KCNQ1OT1: variants seen among roughly 807,000 people sequenced by gnomAD.
KCNQ1OT1 encodes the protein KCNQ1 opposite strand/antisense transcript 1, also known as KCNQ1 antisense RNA 2 (non-protein coding).
chr11:2,685,915 A>T (rs1590031667), exon 1 of KCNQ1OT1: 1 of 398,756 alleles, frequency 2.5e-6, no homozygotes, highest in East Asian at 3.6e-5. Flanking sequence ...GATGAGCCTG[A>T]CCAAGTTCTG....
chr11:2,641,115 G>C, exon 1 of KCNQ1OT1: 1 of 398,468 alleles, frequency 2.5e-6, no homozygotes, highest in Non-Finnish European at 4.4e-6. Flanking sequence ...TGTGAATAGT[G>C]CTGCAATAAA....
exon 1 of KCNQ1OT1, chr11:2,646,951 T>C (rs1400600557): frequency 2.5e-6 from 1 of 398,508 alleles, no homozygotes; most frequent in African/African-American, 2.1e-5. Flanking sequence ...AATATGACAT[T>C]CTCTTTTCCA....
chr11:2,657,763 T>G lies in KCNQ1OT1; in HGVS notation n.42232A>C, dbSNP rs1276466884. 7.5e-6 allele frequency: 3 copies of G among 398,652 alleles called. No individual in the cohort carries two copies. The highest frequency in any genetic ancestry group is 1.3e-5 in the Non-Finnish European group (3 of 226,068). 24.7% of individuals were successfully genotyped at this position (398,652 alleles called of 1,614,324 possible). A position where few individuals can be genotyped will look rare whatever the true frequency, so the allele number is the denominator to read the frequency against. On this transcript the variant is annotated non_coding_transcript_exon_variant, in exon 1 of 1. Transcript: ENST00000597346. The surrounding 1 kb of genome is among the most constrained non-coding windows in gnomAD (Gnocchi z 4.8). ...GTGACGGGCTTCTCAGTCTTGTTCTTCATTAACTTGACACTTTTGAAGAAT... is the reference window on the plus strand; with the variant it reads ...GTGACGGGCTTCTCAGTCTTGTTCTGCATTAACTTGACACTTTTGAAGAAT...
chr11:2,672,428 C>A, exon 1 of KCNQ1OT1: 1 of 398,574 alleles, frequency 2.5e-6, no homozygotes, highest in Non-Finnish European at 4.4e-6. Context: ...GAACAGTCCA[C>A]CCCAGGGGCT....
chr11:2,628,308 G>T, exon 1 of KCNQ1OT1: 1 of 398,490 alleles, frequency 2.5e-6, no homozygotes, highest in South Asian at 1.3e-4. Flanking sequence ...GCTATCTTTT[G>T]ACTTTTTGAT....
rs531471524 is a variant in KCNQ1OT1 at position 2,663,613 on chromosome 11, G to C, written n.36382C>G. ...CGCTCACCTTGGTTCTCTTGGTCAC[G>C]GACCAGCATCCAGACATGCAAAAAG... is the stretch of plus-strand genomic sequence containing the variant. On this transcript the variant is annotated non_coding_transcript_exon_variant, in exon 1 of 1. Transcript: ENST00000597346. This position sits in a 1 kb window ranked among gnomAD's most constrained non-coding sequence, Gnocchi z 5.2. 5.0e-6 allele frequency: 2 copies of C among 398,626 alleles called. No individual in the cohort carries two copies. The highest frequency in any genetic ancestry group is 8.8e-6 in the Non-Finnish European group (2 of 226,106). 24.7% of individuals were successfully genotyped at this position (398,626 alleles called of 1,614,324 possible).
exon 1 of KCNQ1OT1, chr11:2,688,787 G>A: frequency 2.5e-6 from 1 of 398,734 alleles, no homozygotes; most frequent in Non-Finnish European, 4.4e-6. Flanking sequence ...CTATATACTT[G>A]CCCTCCCCCA....
chr11:2,610,687 A>G, exon 1 of KCNQ1OT1: 1 of 381,738 alleles, frequency 2.6e-6, no homozygotes, highest in Non-Finnish European at 4.5e-6. Flanking sequence ...TTTGAAAGAA[A>G]CTTTTCTGGA....
At position 2,647,574 on chromosome 11, in the gene KCNQ1OT1, C is replaced by A. The variant is rs1343514939; in HGVS notation, n.52421G>T. 2 of 398,468 alleles carry A rather than the reference C, an allele frequency of 5.0e-6. No individual in the cohort carries two copies. The highest frequency in any genetic ancestry group is 8.8e-6 in the Non-Finnish European group (2 of 226,026). The allele number at this position is 398,468 out of a possible 1,614,324, so 24.7% of individuals were successfully genotyped here. A position where few individuals can be genotyped will look rare whatever the true frequency, so the allele number is the denominator to read the frequency against. ...CTTTTGGAATTGTCTGAGAAGAATT[C>A]ATGTTAGTTCTTTAAAGGTTTGGTA... On this transcript the variant is annotated non_coding_transcript_exon_variant, in exon 1 of 1. Transcript: ENST00000597346. The surrounding 1 kb of genome is among the most constrained non-coding windows in gnomAD (Gnocchi z 4.0).
At chr11:2,696,289 G>C (rs975514087) in exon 1 of KCNQ1OT1, 1 of 398,432 alleles carries the variant, frequency 2.5e-6, no homozygotes, top group African/African-American at 2.1e-5. Flanking sequence ...CTTTTCCTAG[G>C]GGCTCAGTTA....
In KCNQ1OT1 at chr11:2,668,609, C is replaced by T. The variant is rs1253115220; in HGVS notation, n.31386G>A. 1 of 398,622 alleles carries T rather than the reference C, an allele frequency of 2.5e-6. No individual in the cohort carries two copies. The highest frequency in any genetic ancestry group is 4.4e-6 in the Non-Finnish European group (1 of 226,060). The allele number at this position is 398,622 out of a possible 1,614,324, so 24.7% of individuals were successfully genotyped here. On this transcript the variant is annotated non_coding_transcript_exon_variant, in exon 1 of 1. Coordinates refer to ENST00000597346, the Ensembl canonical transcript of KCNQ1OT1. This position sits in a 1 kb window ranked among gnomAD's most constrained non-coding sequence, Gnocchi z 4.3. ...TACATCATTCTGTATAAATTGCCTA[C>T]ATCTTCTGCCTGTTTTATGTTTATT...
At chr11:2,634,825 A>G (rs527924716) in exon 1 of KCNQ1OT1, 4 of 152,304 alleles carry the variant, frequency 2.6e-5, no homozygotes, top group African/African-American at 9.6e-5. Flanking sequence ...ATTTCTCCAC[A>G]TCTTCTCCAG....
In KCNQ1OT1 at chr11:2,617,733, G is replaced by A; in HGVS notation, n.82262C>T. 2.5e-6 allele frequency: 1 copy of A among 398,544 alleles called. No homozygotes were observed. Among genetic ancestry groups the A allele is most frequent in the Admixed American group, 4.4e-5 (1 of 22,734 alleles). The allele number at this position is 398,544 out of a possible 1,614,324, so 24.7% of individuals were successfully genotyped here. A position where few individuals can be genotyped will look rare whatever the true frequency, so the allele number is the denominator to read the frequency against. ...CAACACTTAATAGCTATTCTCATGA[G>A]TGTGAGGTGATATCGCATAGTAATT... is the stretch of plus-strand genomic sequence containing the variant. On this transcript the variant is annotated non_coding_transcript_exon_variant, in exon 1 of 1. Transcript: ENST00000597346. This position sits in a 1 kb window ranked among gnomAD's most constrained non-coding sequence, Gnocchi z 4.6.
At chr11:2,619,362 C>A (rs1849125615) in exon 1 of KCNQ1OT1, 1 of 398,504 alleles carries the variant, frequency 2.5e-6, no homozygotes, top group Non-Finnish European at 4.4e-6. Context: ...TATACCTGAA[C>A]TGTTAGAATT....
At position 2,656,598 on chromosome 11, in the gene KCNQ1OT1, T is replaced by C. The variant is rs140300648; in HGVS notation, n.43397A>G. On this transcript the variant is annotated non_coding_transcript_exon_variant, in exon 1 of 1. Transcript: ENST00000597346. ...ATTCCTCTTTTGTGATGTGCTACTT[T>C]GTCTATTGCCCATTTTCTATTAAGT... 1,356 of 398,684 alleles carry C rather than the reference T, an allele frequency of 3.4e-3. 11 individuals are homozygous for C. The highest frequency in any genetic ancestry group is 0.024 in the African/African-American group (1,161 of 48,758). The allele number at this position is 398,684 out of a possible 1,614,324, so 24.7% of individuals were successfully genotyped here.
chr11:2,614,611 C>T (rs1039864684), exon 1 of KCNQ1OT1: 2 of 398,370 alleles, frequency 5.0e-6, no homozygotes, highest in Non-Finnish European at 8.9e-6. Flanking sequence ...ATCCAGTTGC[C>T]CCAGCACCAT....
chr11:2,656,489 G>A (rs571827063), exon 1 of KCNQ1OT1: 8 of 398,542 alleles, frequency 2.0e-5, no homozygotes, highest in Non-Finnish European at 3.1e-5. Flanking sequence ...TCGCCCCCAC[G>A]GGCCATGAGC....
At chr11:2,699,641 G>A (rs1590040190) in exon 1 of KCNQ1OT1, 1 of 383,226 alleles carries the variant, frequency 2.6e-6, no homozygotes, top group Non-Finnish European at 4.6e-6. Flanking sequence ...AACCCCCGGG[G>A]ACAACCGCGC....
exon 1 of KCNQ1OT1, chr11:2,649,565 T>C (rs952237908): frequency 3.0e-5 from 12 of 398,592 alleles, no homozygotes; most frequent in Non-Finnish European, 4.9e-5. Context: ...TTGCTGGGTA[T>C]AGTATTTGTG....
Sources: gnomAD v4.1 joint callset for allele counts on GRCh38, gnomAD v4.1.1 for gene constraint, Gnocchi (gnomAD v3.1) non-coding constraint, MANE v1.5 for transcripts, NCBI Gene and HGNC (gene_info 2026-07-23, HGNC 2026-07-21) for gene names.